ZSCAN5A: variants seen among roughly 807,000 people sequenced by gnomAD.
ZSCAN5A encodes zinc finger and SCAN domain-containing protein 5A.
In ZSCAN5A, 12 loss-of-function variants were observed where a neutral mutation model predicts 23.7. The ratio of observed to expected loss-of-function variants is 0.51; its 90% CI spans 0.32 to 0.82. ZSCAN5A has a LOEUF of 0.82. ZSCAN5A is among the 40% of genes least tolerant of loss of function. The pLI, the probability that ZSCAN5A is intolerant of heterozygous loss-of-function variation, is 0.03. For synonymous variants in ZSCAN5A, 257 were observed against 239.9 expected (o/e 1.07, Z -0.66); for missense variants, 597 against 617.9 (o/e 0.97, Z 0.36).
At chr19:56,295,510 G>A (rs1283643297) in intron 2 of ZSCAN5A, among the ~76,000 whole-genome samples, 1 of 151,992 alleles carries the variant, frequency 6.6e-6, no homozygotes. Context: ...CAGGAGAATC[G>A]CTTGAACCCG....
intron 2 of ZSCAN5A, among the ~76,000 whole-genome samples, chr19:56,237,821 G>A (rs1455095954): frequency 6.6e-6 from 1 of 151,998 alleles, no homozygotes; most frequent in Non-Finnish European, 1.5e-5. Flanking sequence ...GGAGGAAGAG[G>A]CAGTAGGATC....
chr19:56,332,866 C>A (rs917754311), intron 2 of ZSCAN5A, among the ~76,000 whole-genome samples: 1 of 152,102 alleles, frequency 6.6e-6, no homozygotes, highest in Non-Finnish European at 1.5e-5. Flanking sequence ...TAACAAATAC[C>A]CTTATTGCTT....
intron 2 of ZSCAN5A, chr19:56,343,383 T>C (rs2041609444): frequency 1.8e-6 from 1 of 552,748 alleles, no homozygotes; most frequent in East Asian, 4.6e-5. Context: ...TTTCTGAGAA[T>C]ATAAGTGCCA....
intron 2 of ZSCAN5A, chr19:56,303,002 G>C (rs2040447013): frequency 1.5e-5 from 6 of 396,946 alleles, no homozygotes; most frequent in Middle Eastern, 6.2e-4. Context: ...GCAGGAGGCA[G>C]TGGCGCTTAT....
chr19:56,272,891 AT>A, intron 2 of ZSCAN5A: 1 of 985,364 alleles, frequency 1.0e-6, no homozygotes, highest in South Asian at 4.7e-5. Flanking sequence ...TTTTCCTGGG[AT>A]TGGCAGAAGC....
intron 2 of ZSCAN5A, among the ~76,000 whole-genome samples, chr19:56,348,732 GTTA>G (rs2041649760): frequency 6.6e-6 from 1 of 152,144 alleles, no homozygotes; most frequent in Admixed American, 6.5e-5. Flanking sequence ...AAATTAGCAG[GTTA>G]TTATCCTCAG....
At position 56,356,612 on chromosome 19, in the gene ZSCAN5A, G is replaced by T. The variant is rs2041702127; in HGVS notation, c.-358+6623C>A. Among the ~76,000 whole-genome samples the T allele has an allele frequency of 2.7e-5, 4 of 148,334 alleles. 2 individuals carry two copies. Among genetic ancestry groups the T allele is most frequent in the African/African-American group, 1.0e-4 (4 of 39,258 alleles). On this transcript the variant is annotated intron_variant, in intron 2 of 6. Coordinates refer to the ZSCAN5A transcript ENST00000587340. ...CCCTGAGGGGAAAGTTAATTTTCTG[G>T]CTTCACATATTGTAAAATTCATTAA... is the stretch of plus-strand genomic sequence containing the variant.
At chr19:56,256,207 G>A (rs1488793910) in intron 2 of ZSCAN5A, among the ~76,000 whole-genome samples, 1 of 152,162 alleles carries the variant, frequency 6.6e-6, no homozygotes, top group Admixed American at 6.5e-5. Context: ...TTGTTTGTTT[G>A]TTTGAGACAG....
Position 56,221,531 on chromosome 19 carries a change from A to G in ZSCAN5A, c.*44T>C, listed in dbSNP as rs754229834. 6.5e-7 allele frequency: 1 copy of G among 1,527,868 alleles called. No homozygotes were observed. Among genetic ancestry groups the G allele is most frequent in the South Asian group, 1.3e-5 (1 of 75,628 alleles). 94.6% of individuals were successfully genotyped at this position (1,527,868 alleles called of 1,614,324 possible). On this transcript the variant is annotated 3_prime_UTR_variant, in exon 6 of 6. Transcript: ENST00000683990. ...TCTGATAACATTGATGAAAAATATCATTCACTTCTTCTTGGTGCAGAAGGC... is the reference window on the plus strand; with the variant it reads ...TCTGATAACATTGATGAAAAATATCGTTCACTTCTTCTTGGTGCAGAAGGC...
chr19:56,312,131 A>G (rs924365596), intron 2 of ZSCAN5A: 2 of 152,192 alleles, frequency 1.3e-5, no homozygotes, highest in African/African-American at 2.4e-5. Flanking sequence ...TATATCCTTC[A>G]TTTTGTATGA....
chr19:56,286,248 C>T (rs996959088), intron 2 of ZSCAN5A: 2 of 152,100 alleles, frequency 1.3e-5, no homozygotes, highest in Admixed American at 6.5e-5. Flanking sequence ...TCTTGAACTC[C>T]TGACCTTGTG....
In ZSCAN5A at chr19:56,223,684, C is replaced by G; in HGVS notation, c.535G>C (p.Ala179Pro). 1 of 1,610,866 alleles carries G rather than the reference C, an allele frequency of 6.2e-7. No individual in the cohort carries two copies. The highest frequency in any genetic ancestry group is 8.5e-7 in the Non-Finnish European group (1 of 1,178,410). Reference protein sequence around the residue: ...VNQMRPGEGQAHRELQILPRV... With the variant: ...VNQMRPGEGQPHRELQILPRV... ...GGCAGGATCTGCAGCTCTCGGTGGGCCTGGCCTTCCCCTGGACGCATCTGG... is the reference window on the plus strand; with the variant it reads ...GGCAGGATCTGCAGCTCTCGGTGGGGCTGGCCTTCCCCTGGACGCATCTGG... Residue 179 changes from alanine (A) to proline (P), a missense_variant, in exon 4 of 6, where the codon GCC becomes CCC. Transcript: ENST00000683990.
intron 2 of ZSCAN5A, among the ~76,000 whole-genome samples, chr19:56,361,051 A>C (rs1337117902): frequency 6.6e-6 from 1 of 152,016 alleles, no homozygotes; most frequent in Non-Finnish European, 1.5e-5. Flanking sequence ...TCTTAGAAGA[A>C]GACATACATG....
At chr19:56,301,907 G>C (rs775463718) in intron 2 of ZSCAN5A, 139 of 1,231,588 alleles carry the variant, frequency 1.1e-4, no homozygotes, top group Non-Finnish European at 1.4e-4. Context: ...AGCAGTGACA[G>C]GAAGCTCTAA....
intron 2 of ZSCAN5A, among the ~76,000 whole-genome samples, chr19:56,286,952 G>A (rs1016162682): frequency 5.3e-5 from 8 of 152,204 alleles, no homozygotes; most frequent in Non-Finnish European, 1.2e-4. Context: ...TTTTCTTCCC[G>A]GTAAACCAGG....
At chr19:56,364,848 G>A (rs1451362646) in intron 1 of ZSCAN5A, 2 of 152,196 alleles carry the variant, frequency 1.3e-5, no homozygotes, top group African/African-American at 4.8e-5. Context: ...GCCAAGAACT[G>A]GCAAAATGAA....
At chr19:56,281,248 G>A (rs2038675623) in intron 2 of ZSCAN5A, among the ~76,000 whole-genome samples, 1 of 152,030 alleles carries the variant, frequency 6.6e-6, no homozygotes, top group Non-Finnish European at 1.5e-5. Context: ...GAAGGGGAGG[G>A]GTTGGTCTTT....
intron 2 of ZSCAN5A, among the ~76,000 whole-genome samples, chr19:56,257,443 C>G (rs372184767): frequency 1.3e-5 from 2 of 152,264 alleles, no homozygotes; most frequent in South Asian, 4.1e-4. Flanking sequence ...ACTAAACAGA[C>G]CATTGGTATG....
intron 2 of ZSCAN5A, among the ~76,000 whole-genome samples, chr19:56,337,400 T>G (rs1220893972): frequency 6.6e-6 from 1 of 152,358 alleles, no homozygotes; most frequent in East Asian, 1.9e-4. Flanking sequence ...GGATATAATC[T>G]CCTGGTGTGC....
Sources: gnomAD v4.1 joint callset for allele counts (sites outside exome capture counted in the v4.1 genomes callset) on GRCh38, gnomAD v4.1.1 for gene constraint, MANE v1.5 for transcripts, NCBI Gene and HGNC (gene_info 2026-07-23, HGNC 2026-07-21) for gene names.